PRIMPOL: variants seen among roughly 807,000 people sequenced by gnomAD.
The protein encoded by PRIMPOL is primase and DNA directed polymerase.
A neutral mutation model predicts 63.6 loss-of-function variants in PRIMPOL; 54 were observed. That is an observed-to-expected ratio of 0.85 (90% CI 0.68 to 1.07). The LOEUF (loss-of-function observed/expected upper bound fraction) is 1.07, where lower values mean the gene tolerates loss of function less well. Ranked by LOEUF, PRIMPOL falls within the 50% of genes least tolerant of loss-of-function variation. PRIMPOL has a pLI of 0.00. For missense variants in PRIMPOL, 610 were observed against 648.3 expected, an observed-to-expected ratio of 0.94 and a Z score of 0.64; for synonymous variants, 197 against 220.2, an observed-to-expected ratio of 0.89 and a Z score of 0.93.
At chr4:184,659,244 T>A (rs1747562005) in intron 3 of PRIMPOL, 96 bp from the exon 4 acceptor site, 8 of 880,280 alleles carry the variant, frequency 9.1e-6, no homozygotes, top group Middle Eastern at 2.3e-4. Flanking sequence ...TTCTGAAAAC[T>A]TGAATGAAAA....
intron 13 of PRIMPOL, among the ~76,000 whole-genome samples, chr4:184,694,000 C>T (rs964591754): frequency 6.6e-6 from 1 of 151,976 alleles, no homozygotes; most frequent in Non-Finnish European, 1.5e-5. Flanking sequence ...ATGTATTGGG[C>T]GGATCAACTA....
intron 11 of PRIMPOL, chr4:184,691,222 A>G (rs756580153): frequency 1.2e-4 from 36 of 297,764 alleles, no homozygotes; most frequent in South Asian, 2.3e-4. Flanking sequence ...TTTTGCTCAC[A>G]TATTTTGCAG....
chr4:184,656,459 G>T (rs532980779), intron 2 of PRIMPOL, among the ~76,000 whole-genome samples: 1 of 152,154 alleles, frequency 6.6e-6, no homozygotes, highest in Non-Finnish European at 1.5e-5. Context: ...ATTATTGCCT[G>T]GCCCCCTTAC....
chr4:184,659,500 T>G lies in PRIMPOL; in HGVS notation c.278+63T>G. On this transcript the variant is annotated intron_variant, in intron 4 of 13. Transcript: ENST00000314970. ...GTTCCATTTCCTTTGCCTAGGAATTTTGGTGAAATTAGTTCAGGCTGAATT... is the reference window on the plus strand; with the variant it reads ...GTTCCATTTCCTTTGCCTAGGAATTGTGGTGAAATTAGTTCAGGCTGAATT... The G allele has an allele frequency of 2.4e-6, 3 of 1,225,458 alleles. No homozygotes were observed. The South Asian group carries it at 3.6e-5, about 15-fold the overall frequency. The allele number at this position is 1,225,458 out of a possible 1,614,324, so 75.9% of individuals were successfully genotyped here. A position where few individuals can be genotyped will look rare whatever the true frequency, so the allele number is the denominator to read the frequency against.
intron 2 of PRIMPOL, among the ~76,000 whole-genome samples, chr4:184,653,413 G>A (rs1486204018): frequency 3.3e-5 from 5 of 152,124 alleles, no homozygotes; most frequent in African/African-American, 1.2e-4. Context: ...ACCCCCTTTG[G>A]TTGAAAGATC....
intron 9 of PRIMPOL, among the ~76,000 whole-genome samples, chr4:184,684,000 T>C (rs72703525): frequency 0.13 from 19,842 of 152,186 alleles, 1,369 homozygotes; most frequent in Middle Eastern, 0.18. Flanking sequence ...AATTTTCTTA[T>C]GTTTATTTTC....
intron 7 of PRIMPOL, among the ~76,000 whole-genome samples, chr4:184,673,989 A>G (rs1752631728): frequency 6.6e-6 from 1 of 152,190 alleles, no homozygotes; most frequent in South Asian, 2.1e-4. Flanking sequence ...CTTTATTACC[A>G]GAATATCATC....
intron 13 of PRIMPOL, among the ~76,000 whole-genome samples, chr4:184,692,760 C>A (rs1430236632): frequency 6.6e-6 from 1 of 152,016 alleles, no homozygotes; most frequent in Non-Finnish European, 1.5e-5. Flanking sequence ...TTTATGAGAG[C>A]ACCTATTACC....
At chr4:184,664,697 G>T (rs1569106) in intron 5 of PRIMPOL, among the ~76,000 whole-genome samples, 5,404 of 152,320 alleles carry the variant, frequency 0.035, 309 homozygotes, top group African/African-American at 0.12. Context: ...CTGTAGAGGA[G>T]CCTGGGAAAT....
chr4:184,670,755 C>T (rs1751384452), intron 6 of PRIMPOL, among the ~76,000 whole-genome samples: 1 of 152,002 alleles, frequency 6.6e-6, no homozygotes, highest in East Asian at 1.9e-4. Context: ...ACCATGTTGG[C>T]CAGGCTGGTC....
Position 184,682,307 on chromosome 4 carries a change from T to C in PRIMPOL, c.1067T>C (p.Val356Ala), listed in dbSNP as rs780419531. Residue 356 changes from valine (V) to alanine (A), a missense_variant, in exon 9 of 14, where the codon GTT becomes GCT. By Grantham distance (64) the Val-to-Ala change is moderately conservative (BLOSUM62 0). Coordinates refer to ENST00000314970, the MANE Select transcript of PRIMPOL (RefSeq NM_152683.4). Reference protein sequence around the residue: ...CEPSQNKQKGVGYFNSIGTSV... With the variant: ...CEPSQNKQKGAGYFNSIGTSV... ...CCATCTCAGAATAAACAAAAAGGAG[T>C]TGGATATTTTAACAGTATCGGCACT... The C allele has an allele frequency of 1.2e-6, 2 of 1,600,178 alleles. No individual in the cohort carries two copies. Among genetic ancestry groups the C allele is most frequent in the African/African-American group, 1.3e-5 (1 of 74,666 alleles).
intron 5 of PRIMPOL, among the ~76,000 whole-genome samples, chr4:184,664,242 C>G (rs1452551043): frequency 6.6e-6 from 1 of 152,212 alleles, no homozygotes; most frequent in East Asian, 1.9e-4. Flanking sequence ...GTACAGAAGT[C>G]GACTTCATTC....
intron 2 of PRIMPOL, among the ~76,000 whole-genome samples, chr4:184,655,761 G>A (rs1258885353): frequency 6.6e-6 from 1 of 152,154 alleles, no homozygotes; most frequent in Non-Finnish European, 1.5e-5. Flanking sequence ...TGTTACCAAA[G>A]AAATAGGACT....
intron 6 of PRIMPOL, among the ~76,000 whole-genome samples, chr4:184,666,463 A>C (rs1353132230): frequency 6.6e-6 from 1 of 152,020 alleles, no homozygotes; most frequent in African/African-American, 2.4e-5. Flanking sequence ...ACCCTGTCTC[A>C]AAAAAAATAA....
At chr4:184,658,136 T>C (rs1747111896) in intron 3 of PRIMPOL, among the ~76,000 whole-genome samples, 1 of 151,962 alleles carries the variant, frequency 6.6e-6, no homozygotes, top group Non-Finnish European at 1.5e-5. Flanking sequence ...AAGATGCTTA[T>C]ATGATAGCAT....
At chr4:184,668,555 T>G (rs1750704680) in intron 6 of PRIMPOL, among the ~76,000 whole-genome samples, 1 of 152,080 alleles carries the variant, frequency 6.6e-6, no homozygotes, top group African/African-American at 2.4e-5. Flanking sequence ...TCCATGGGCC[T>G]TTGAACCTTT....
At position 184,691,586 on chromosome 4, in the gene PRIMPOL, G is replaced by A. The variant is rs775598758; in HGVS notation, c.1378+5G>A. 1 of 1,604,454 alleles carries A rather than the reference G, an allele frequency of 6.2e-7. No homozygotes were observed. Among genetic ancestry groups the A allele is most frequent in the South Asian group, 1.1e-5 (1 of 90,686 alleles). On this transcript the variant is annotated splice_donor_5th_base_variant and intron_variant, in intron 12 of 13. Transcript: ENST00000314970. ...CAGAAAACTTCAAATCTGACTGTAA[G>A]TTACTAATTTTTACATTTACCACAA...
intron 13 of PRIMPOL, among the ~76,000 whole-genome samples, chr4:184,693,006 GTTTT>G (rs1284144140): frequency 6.6e-6 from 1 of 152,038 alleles, no homozygotes; most frequent in Admixed American, 6.6e-5. Context: ...TTTGTGTTTT[GTTTT>G]TTGTCACATC....
At chr4:184,652,283 G>A (rs774762394) in intron 2 of PRIMPOL, among the ~76,000 whole-genome samples, 183 bp downstream of exon 2, 3 of 152,120 alleles carry the variant, frequency 2.0e-5, no homozygotes, top group Non-Finnish European at 4.4e-5. Flanking sequence ...TGTGTGAGTT[G>A]AATGTTGCTA....
Sources: allele counts gnomAD v4.1 joint callset (sites outside exome capture counted in the v4.1 genomes callset), GRCh38; gene constraint gnomAD v4.1.1; transcripts MANE v1.5; gene names NCBI Gene and HGNC (gene_info 2026-07-23, HGNC 2026-07-21).